The following TNNI3K variants were observed in gnomAD, a reference collection of about 807,000 sequenced individuals.
The protein encoded by TNNI3K is TNNI3 interacting kinase.
A neutral mutation model predicts 114.5 loss-of-function variants in TNNI3K; 140 were observed. The ratio of observed to expected loss-of-function variants is 1.22; its 90% CI spans 1.07 to 1.41. The LOEUF (loss-of-function observed/expected upper bound fraction) is 1.41, where lower values mean the gene tolerates loss of function less well. TNNI3K is among the 40% of genes most tolerant of loss of function. TNNI3K has a pLI of 0.00. For synonymous variants in TNNI3K, 347 were observed against 347.5 expected (o/e 1.00, Z 0.02); for missense variants, 1,125 against 1,007.6 (o/e 1.12, Z -1.58).
chr1:74,265,531 A>C (rs1046445949), intron 4 of TNNI3K, among the ~76,000 whole-genome samples: 2 of 152,142 alleles, frequency 1.3e-5, no homozygotes, highest in Admixed American at 1.3e-4. Flanking sequence ...CACACTCTTC[A>C]TAAAGGGAGG....
intron 17 of TNNI3K, among the ~76,000 whole-genome samples, chr1:74,410,610 C>G (rs972427080): frequency 2.6e-5 from 4 of 152,318 alleles, no homozygotes; most frequent in East Asian, 3.9e-4. Flanking sequence ...TCTCGAAGAG[C>G]TCATCAGCTG....
At chr1:74,275,769 C>T (rs1035957854) in intron 5 of TNNI3K, among the ~76,000 whole-genome samples, 3 of 151,880 alleles carry the variant, frequency 2.0e-5, no homozygotes, top group African/African-American at 7.3e-5. Context: ...AAGTCTAAGG[C>T]GTTTAATTTA....
chr1:74,498,168 A>C (rs1669430402), intron 23 of TNNI3K, among the ~76,000 whole-genome samples: 1 of 152,230 alleles, frequency 6.6e-6, no homozygotes, highest in African/African-American at 2.4e-5. Flanking sequence ...ACAAACTAGA[A>C]GTTCCACTAG....
At chr1:74,490,435 A>G (rs999464004) in intron 22 of TNNI3K, among the ~76,000 whole-genome samples, 7 of 152,194 alleles carry the variant, frequency 4.6e-5, no homozygotes, top group Admixed American at 1.3e-4. Context: ...TGGGATAGAT[A>G]TATCTGGAGG....
chr1:74,299,125 A>G (rs566824476), intron 5 of TNNI3K, among the ~76,000 whole-genome samples: 3 of 152,232 alleles, frequency 2.0e-5, no homozygotes, highest in African/African-American at 7.2e-5. Flanking sequence ...AAAAACAGAA[A>G]TTAAAAACCT....
At chr1:74,335,960 T>G in intron 6 of TNNI3K, 51 bp from the exon 7 acceptor site, 1 of 1,515,844 alleles carries the variant, frequency 6.6e-7, no homozygotes, top group Non-Finnish European at 8.8e-7. Flanking sequence ...CCAAAAGTTT[T>G]GCATTATTGT....
intron 23 of TNNI3K, among the ~76,000 whole-genome samples, chr1:74,497,666 C>T (rs1289469130): frequency 6.6e-6 from 1 of 151,976 alleles, no homozygotes. Context: ...TCAGCCTTGA[C>T]CTCTCTGCTT....
intron 17 of TNNI3K, among the ~76,000 whole-genome samples, chr1:74,406,026 G>T (rs1163629566): frequency 6.6e-6 from 1 of 152,196 alleles, no homozygotes; most frequent in Non-Finnish European, 1.5e-5. Context: ...TAATTTATTT[G>T]CTCTGGGTTT....
intron 5 of TNNI3K, among the ~76,000 whole-genome samples, chr1:74,277,390 T>C (rs1374554729): frequency 2.0e-5 from 3 of 152,108 alleles, no homozygotes. Flanking sequence ...TAACACAGCT[T>C]ATACCCACAA....
intron 23 of TNNI3K, among the ~76,000 whole-genome samples, chr1:74,530,216 C>T (rs766853332): frequency 1.5e-4 from 23 of 152,268 alleles, no homozygotes; most frequent in Non-Finnish European, 4.4e-5. Flanking sequence ...TAGCACAGCT[C>T]CTGGCATTGT....
chr1:74,415,612 C>T (rs187677023), intron 17 of TNNI3K, among the ~76,000 whole-genome samples: 133 of 152,002 alleles, frequency 8.7e-4, no homozygotes, highest in African/African-American at 3.1e-3. Flanking sequence ...GTTATTATAA[C>T]TTATTAAATG....
chr1:74,372,503 T>C (rs570030272), intron 17 of TNNI3K: 51 of 152,030 alleles, frequency 3.4e-4, no homozygotes, highest in Middle Eastern at 3.4e-3. Flanking sequence ...ATAAAAGTCA[T>C]TTCTTAATTT....
chr1:74,471,905 T>A, intron 21 of TNNI3K: 1 of 505,982 alleles, frequency 2.0e-6, no homozygotes, highest in Non-Finnish European at 3.5e-6. Flanking sequence ...TATTTACAGA[T>A]AAGAGAATTG....
intron 5 of TNNI3K, among the ~76,000 whole-genome samples, chr1:74,312,902 A>G (rs1471882346): frequency 1.3e-5 from 2 of 152,086 alleles, no homozygotes; most frequent in African/African-American, 2.4e-5. Flanking sequence ...CTTTGCCCCA[A>G]TTTTTAAATC....
At chr1:74,541,629 G>A (rs1646727817) in intron 24 of TNNI3K, 1 of 152,146 alleles carries the variant, frequency 6.6e-6, no homozygotes, top group Admixed American at 6.6e-5. Context: ...TCAAGATGAA[G>A]CATTTCTTTA....
intron 23 of TNNI3K, among the ~76,000 whole-genome samples, chr1:74,529,525 C>T (rs1646553048): frequency 6.6e-6 from 1 of 152,150 alleles, no homozygotes; most frequent in African/African-American, 2.4e-5. Flanking sequence ...GAATTAGATT[C>T]TTTTGCTATA....
intron 5 of TNNI3K, among the ~76,000 whole-genome samples, chr1:74,300,072 G>T (rs1259163499): frequency 6.6e-6 from 1 of 152,016 alleles, no homozygotes; most frequent in Middle Eastern, 3.2e-3. Context: ...TTTGGCTTTA[G>T]AATTATCTTC....
At chr1:74,538,389 A>T (rs569782716) in intron 23 of TNNI3K, among the ~76,000 whole-genome samples, 1 of 152,164 alleles carries the variant, frequency 6.6e-6, no homozygotes, top group Non-Finnish European at 1.5e-5. Flanking sequence ...AGGATCTATT[A>T]ATTCTATTAA....
chr1:74,365,858 TAGAAAG>T (rs747999034), intron 11 of TNNI3K, among the ~76,000 whole-genome samples: 7,454 of 152,076 alleles, frequency 0.049, 201 homozygotes, highest in East Asian at 0.09. Flanking sequence ...CAGTCATGAA[TAGAAAG>T]CTGGAGATGA....
Sources: allele counts gnomAD v4.1 joint callset (sites outside exome capture counted in the v4.1 genomes callset), GRCh38; gene constraint gnomAD v4.1.1; transcripts MANE v1.5; gene names NCBI Gene and HGNC (gene_info 2026-07-23, HGNC 2026-07-21).